The following NUP50 variants were observed in gnomAD, a reference collection of about 807,000 sequenced individuals.
The protein encoded by NUP50 is nuclear pore complex protein Nup50.
A neutral mutation model predicts 36.8 loss-of-function variants in NUP50; 14 were observed. The ratio of observed to expected loss-of-function variants is 0.38; its 90% CI spans 0.25 to 0.59. The LOEUF is 0.59. Among genes scored for constraint, NUP50 ranks in the 20% least tolerant of loss-of-function variants. The pLI is 0.63. For synonymous variants in NUP50, 195 were observed against 210.8 expected, an observed-to-expected ratio of 0.93 and a Z score of 0.65; for missense variants, 455 against 564.6, an observed-to-expected ratio of 0.81 and a Z score of 1.97.
chr22:45,176,265 C>A (rs2074275560), intron 4 of NUP50, among the ~76,000 whole-genome samples, 185 bp downstream of exon 4: 1 of 152,338 alleles, frequency 6.6e-6, no homozygotes, highest in South Asian at 2.1e-4. Flanking sequence ...AGAGCACAGG[C>A]TTTTGATCCA....
intron 5 of NUP50, among the ~76,000 whole-genome samples, chr22:45,180,781 C>T (rs536553680): frequency 2.0e-5 from 3 of 151,344 alleles, no homozygotes; most frequent in South Asian, 4.2e-4. Flanking sequence ...GCAATTCAGA[C>T]AAAGCTTAAA....
intron 5 of NUP50, among the ~76,000 whole-genome samples, chr22:45,179,996 C>G (rs1008102927): frequency 1.3e-5 from 2 of 152,250 alleles, no homozygotes; most frequent in Non-Finnish European, 2.9e-5. Context: ...GTCTAGACTT[C>G]CATTACTGTT....
At chr22:45,184,353 T>G in intron 7 of NUP50, 100 bp from the exon 8 acceptor site, 1 of 1,088,328 alleles carries the variant, frequency 9.2e-7, no homozygotes, top group Non-Finnish European at 1.4e-6. Flanking sequence ...GTCTTAGATG[T>G]ATTAAGTTAT....
chr22:45,180,438 A>G (rs902421078), intron 5 of NUP50: 2 of 152,206 alleles, frequency 1.3e-5, no homozygotes, highest in Non-Finnish European at 2.9e-5. Flanking sequence ...CAGTGACGCA[A>G]TCATAGCTCA....
chr22:45,181,021 T>G (rs1341041530), intron 5 of NUP50, among the ~76,000 whole-genome samples: 3 of 152,058 alleles, frequency 2.0e-5, no homozygotes, highest in Non-Finnish European at 4.4e-5. Context: ...TTTTTCCATT[T>G]TAAGGTTTTC....
chr22:45,171,223 G>GAA (rs397692092), intron 2 of NUP50: 1 of 1,111,730 alleles, frequency 9.0e-7, no homozygotes, highest in East Asian at 6.7e-5. Flanking sequence ...TTTTGAGACA[G>GAA]TCTTGCTCTG....
intron 2 of NUP50, among the ~76,000 whole-genome samples, chr22:45,169,199 A>G (rs1038411905): frequency 1.3e-5 from 2 of 152,000 alleles, no homozygotes; most frequent in Non-Finnish European, 2.9e-5. Flanking sequence ...ACCGCACCCA[A>G]CCCCCCAAAA....
In NUP50 at chr22:45,185,578, G is replaced by A. The variant is rs1367333605; in HGVS notation, c.*923G>A. 3 of 152,126 alleles carry A rather than the reference G, an allele frequency of 2.0e-5. No individual in the cohort carries two copies. The highest frequency in any genetic ancestry group is 2.9e-5 in the Non-Finnish European group (2 of 68,036). 9.4% of individuals were successfully genotyped at this position (152,126 alleles called of 1,614,324 possible). On this transcript the variant is annotated 3_prime_UTR_variant, in exon 8 of 8. Transcript: ENST00000347635. ...GACGTGCCTGGGAGCTTTGACACAC[G>A]AGCCGTGTGAATTCACTAGGAAACA...
intron 1 of NUP50, among the ~76,000 whole-genome samples, chr22:45,167,086 A>T (rs1308641081): frequency 6.6e-6 from 1 of 152,168 alleles, no homozygotes; most frequent in African/African-American, 2.4e-5. Flanking sequence ...TGGGGTTGTA[A>T]TACACTCTGT....
At chr22:45,173,842 A>G (rs1178700125) in intron 3 of NUP50, among the ~76,000 whole-genome samples, 1 of 152,228 alleles carries the variant, frequency 6.6e-6, no homozygotes, top group Admixed American at 6.5e-5. Context: ...TGGGCAACTA[A>G]GGGAAATTAA....
chr22:45,177,162 C>T (rs994970953), intron 4 of NUP50, among the ~76,000 whole-genome samples: 5 of 152,076 alleles, frequency 3.3e-5, no homozygotes, highest in Non-Finnish European at 7.4e-5. Flanking sequence ...AGTGAGTGTT[C>T]GTATCCACTG....
In NUP50 at chr22:45,188,015, C is replaced by T. The variant is rs191042137; in HGVS notation, c.*3360C>T. ...AATAAATGAAAAGTAAACAAAATCCCAATGTGTGAGTCTTATGTTCCTCTG... is the reference window on the plus strand; with the variant it reads ...AATAAATGAAAAGTAAACAAAATCCTAATGTGTGAGTCTTATGTTCCTCTG... On this transcript the variant is annotated 3_prime_UTR_variant, in exon 8 of 8. Coordinates refer to ENST00000347635, the MANE Select transcript of NUP50 (RefSeq NM_007172.4). The T allele has an allele frequency of 5.2e-5, 8 of 152,702 alleles. No homozygotes were observed. The highest frequency in any genetic ancestry group is 8.8e-5 in the Non-Finnish European group (6 of 68,018). The allele number at this position is 152,702 out of a possible 1,614,324, so 9.5% of individuals were successfully genotyped here.
At chr22:45,184,378 T>G in intron 7 of NUP50, 75 bp from the exon 8 acceptor site, 3 of 1,298,754 alleles carry the variant, frequency 2.3e-6, no homozygotes, top group Non-Finnish European at 3.3e-6. Flanking sequence ...GCATTTAATG[T>G]TTAGCATATT....
intron 3 of NUP50, 79 bp downstream of exon 3, chr22:45,171,762 A>G (rs1196613580): frequency 1.8e-6 from 2 of 1,083,824 alleles, no homozygotes; most frequent in Non-Finnish European, 2.8e-6. Flanking sequence ...CGCTGGGAGC[A>G]ATGATATCAA....
chr22:45,182,884 A>G (rs1242646086), intron 6 of NUP50, among the ~76,000 whole-genome samples: 1 of 151,896 alleles, frequency 6.6e-6, no homozygotes, highest in Non-Finnish European at 1.5e-5. Context: ...TCGGCCTCCC[A>G]AAGTGCTGGG....
At chr22:45,165,585 C>G (rs962642449) in intron 1 of NUP50, among the ~76,000 whole-genome samples, 1 of 152,122 alleles carries the variant, frequency 6.6e-6, no homozygotes, top group African/African-American at 2.4e-5. Flanking sequence ...TTTTCTCCCC[C>G]CCACTTCTAG....
At chr22:45,183,099 G>A (rs962525805) in intron 6 of NUP50, among the ~76,000 whole-genome samples, 4 of 129,526 alleles carry the variant, frequency 3.1e-5, no homozygotes, top group East Asian at 2.5e-4. Flanking sequence ...GGGGGGGGGG[G>A]GTTGGTGTTG....
At chr22:45,170,126 C>T (rs1009116332) in intron 2 of NUP50, among the ~76,000 whole-genome samples, 1 of 152,200 alleles carries the variant, frequency 6.6e-6, no homozygotes, top group South Asian at 2.1e-4. Context: ...GATCACGTGA[C>T]TTGCTTGACC....
rs1412660148 is a variant in NUP50, at chr22:45,187,346, C to G, written c.*2691C>G. 2.0e-5 allele frequency: 3 copies of G among 147,968 alleles called. No homozygotes were observed. Among genetic ancestry groups the G allele is most frequent in the South Asian group, 2.1e-4 (1 of 4,720 alleles). 9.2% of individuals were successfully genotyped at this position (147,968 alleles called of 1,614,324 possible). A position where few individuals can be genotyped will look rare whatever the true frequency, so the allele number is the denominator to read the frequency against. On this transcript the variant is annotated 3_prime_UTR_variant, in exon 8 of 8. Transcript: ENST00000347635. ...AAGGACAAGTCTGACTGTTCATAGGCTGATTTTCTTTAAGAGGATTATTCT... is the reference window on the plus strand; with the variant it reads ...AAGGACAAGTCTGACTGTTCATAGGGTGATTTTCTTTAAGAGGATTATTCT...
Sources: gnomAD v4.1 joint callset for allele counts (sites outside exome capture counted in the v4.1 genomes callset) on GRCh38, gnomAD v4.1.1 for gene constraint, MANE v1.5 for transcripts, NCBI Gene and HGNC (gene_info 2026-07-23, HGNC 2026-07-21) for gene names.